The following GYS2 variants were observed in gnomAD, a reference collection of about 807,000 sequenced individuals.
GYS2 encodes the protein glycogen [starch] synthase, liver.
A neutral mutation model predicts 85.6 loss-of-function variants in GYS2; 80 were observed. The observed-to-expected ratio is 0.93, with a 90% CI of 0.78 to 1.13. The LOEUF (loss-of-function observed/expected upper bound fraction) is 1.13. GYS2 is among the 50% of genes most tolerant of loss of function. GYS2 has a pLI of 0.00. For synonymous variants in GYS2, 328 were observed against 300.7 expected, an observed-to-expected ratio of 1.09 and a Z score of -0.94; for missense variants, 881 against 854.9, an observed-to-expected ratio of 1.03 and a Z score of -0.38.
At chr12:21,561,684 TA>T (rs1944255123) in intron 7 of GYS2, among the ~76,000 whole-genome samples, 1 of 152,172 alleles carries the variant, frequency 6.6e-6, no homozygotes, top group Non-Finnish European at 1.5e-5. Flanking sequence ...GTATATGTGA[TA>T]TAGTTGTGAG....
chr12:21,600,764 A>G (rs936084179), intron 1 of GYS2, among the ~76,000 whole-genome samples: 1 of 152,134 alleles, frequency 6.6e-6, no homozygotes, highest in African/African-American at 2.4e-5. Flanking sequence ...GTTCACTTAT[A>G]TCAAAGTCCT....
intron 2 of GYS2, among the ~76,000 whole-genome samples, chr12:21,579,562 C>T (rs901235253): frequency 1.3e-4 from 20 of 151,908 alleles, no homozygotes; most frequent in African/African-American, 3.6e-4. Flanking sequence ...GGTTTCACCA[C>T]GTTGACCAGG....
intron 5 of GYS2, 49 bp downstream of exon 5, chr12:21,568,816 G>A: frequency 6.5e-7 from 1 of 1,536,632 alleles, no homozygotes; most frequent in Non-Finnish European, 9.0e-7. Context: ...TCCTCATAGT[G>A]TAACATCATT....
chr12:21,563,781 C>T (rs546389041), intron 5 of GYS2, among the ~76,000 whole-genome samples: 16 of 152,252 alleles, frequency 1.1e-4, no homozygotes, highest in African/African-American at 3.4e-4. Context: ...TGTTTAAAGA[C>T]GCCGTCCAAG....
At chr12:21,574,347 C>G (rs780098993) in intron 3 of GYS2, 21 bp from the exon 4 acceptor site, 1 of 1,592,076 alleles carries the variant, frequency 6.3e-7, no homozygotes, top group African/African-American at 1.3e-5. Context: ...AAAAAAAAAG[C>G]ATTCAGAAAA....
intron 12 of GYS2, among the ~76,000 whole-genome samples, chr12:21,542,940 C>A (rs1266376570): frequency 6.6e-6 from 1 of 152,166 alleles, no homozygotes; most frequent in Non-Finnish European, 1.5e-5. Flanking sequence ...CAGCTTCAAT[C>A]CCAGCTGGTT....
chr12:21,542,963 T>C (rs904102038), intron 12 of GYS2, among the ~76,000 whole-genome samples: 24 of 152,174 alleles, frequency 1.6e-4, no homozygotes, highest in African/African-American at 5.8e-4. Flanking sequence ...GTTTCTTGCT[T>C]CTTTCTAGCC....
At chr12:21,532,603 A>T (rs566596360), downstream of GYS2, 4 of 152,198 alleles carry the variant, frequency 2.6e-5, no homozygotes, top group East Asian at 5.8e-4. Context: ...TTTATTGAAA[A>T]TTTTTTCCAA....
intron 11 of GYS2, among the ~76,000 whole-genome samples, chr12:21,557,856 G>A (rs940204976): frequency 3.9e-5 from 6 of 151,902 alleles, no homozygotes; most frequent in African/African-American, 9.7e-5. Flanking sequence ...CCGAGATAGC[G>A]CCACTGCACT....
At chr12:21,537,917 C>T (rs944374322) in intron 15 of GYS2, among the ~76,000 whole-genome samples, 1 of 152,114 alleles carries the variant, frequency 6.6e-6, no homozygotes, top group African/African-American at 2.4e-5. Context: ...TGTTATAGCG[C>T]TCGTCACTCT....
At chr12:21,589,073 T>C (rs1157460347) in intron 1 of GYS2, among the ~76,000 whole-genome samples, 1 of 152,254 alleles carries the variant, frequency 6.6e-6, no homozygotes, top group African/African-American at 2.4e-5. Context: ...TGGTACACAT[T>C]TATTAGATGT....
chr12:21,544,734 T>A (rs530053346), intron 12 of GYS2, among the ~76,000 whole-genome samples: 1 of 152,332 alleles, frequency 6.6e-6, no homozygotes, highest in African/African-American at 2.4e-5. Flanking sequence ...GCAAGAGAGA[T>A]ACCCGGAAGA....
intron 1 of GYS2, among the ~76,000 whole-genome samples, chr12:21,601,281 T>A (rs1172073104): frequency 6.6e-6 from 1 of 152,050 alleles, no homozygotes; most frequent in Admixed American, 6.6e-5. Context: ...GTAACAGTGC[T>A]TCTTCCAAAA....
At chr12:21,585,831 A>T (rs1209933893) in intron 1 of GYS2, among the ~76,000 whole-genome samples, 2 of 152,154 alleles carry the variant, frequency 1.3e-5, no homozygotes, top group Non-Finnish European at 2.9e-5. Context: ...TCATATCAGC[A>T]TTTAAGTATT....
At chr12:21,578,959 G>A (rs965369416) in intron 2 of GYS2, among the ~76,000 whole-genome samples, 3 of 152,024 alleles carry the variant, frequency 2.0e-5, no homozygotes, top group African/African-American at 4.8e-5. Flanking sequence ...TATATTCATA[G>A]AAAAATCTCA....
rs1389217410 is a variant in GYS2, at chr12:21,575,927, T to C, written c.434A>G (p.His145Arg). The C allele has an allele frequency of 6.2e-6, 10 of 1,613,900 alleles. No homozygotes were observed. Among genetic ancestry groups the C allele is most frequent in the Non-Finnish European group, 8.5e-6 (10 of 1,179,922 alleles). ...WEACSVGIPY[H>R]DREANDMLIF... Reference sequence around the variant, plus strand: ...CAGCATATCATTGGCTTCTCGGTCATGATAAGGAATGCCGACACTGCATGC... The same window carrying C: ...CAGCATATCATTGGCTTCTCGGTCACGATAAGGAATGCCGACACTGCATGC... Residue 145 changes from histidine (H) to arginine (R), a missense_variant, in exon 3 of 16, where the codon CAT (histidine) becomes CGT (arginine). Transcript: ENST00000261195.
At chr12:21,559,070 G>A (rs748736745) in intron 10 of GYS2, 21 bp downstream of exon 10, 1 of 1,359,908 alleles carries the variant, frequency 7.4e-7, no homozygotes, top group Non-Finnish European at 1.1e-6. Context: ...GGGACATAGT[G>A]GGTGCTTTTT....
intron 13 of GYS2, 75 bp downstream of exon 13, chr12:21,542,421 C>G: frequency 1.1e-6 from 1 of 871,098 alleles, no homozygotes; most frequent in Non-Finnish European, 2.0e-6. Flanking sequence ...TAGAGTTAGG[C>G]TCTGTAAAGA....
At chr12:21,579,243 C>A (rs1473189673) in intron 2 of GYS2, among the ~76,000 whole-genome samples, 3 of 152,072 alleles carry the variant, frequency 2.0e-5, no homozygotes, top group Non-Finnish European at 2.9e-5. Context: ...AATTTATTAT[C>A]TTACAGATAT....
Sources: allele counts gnomAD v4.1 joint callset (sites outside exome capture counted in the v4.1 genomes callset), GRCh38; gene constraint gnomAD v4.1.1; transcripts MANE v1.5; gene names NCBI Gene and HGNC (gene_info 2026-07-23, HGNC 2026-07-21).